Variants in ZNF804B observed in about 807,000 individuals in gnomAD.
ZNF804B encodes zinc finger 804B.
A neutral mutation model predicts 101.4 loss-of-function variants in ZNF804B; 80 were observed. That is an observed-to-expected ratio of 0.79 (90% CI 0.66 to 0.95). The LOEUF is 0.95. Among genes scored for constraint, ZNF804B ranks in the 40% least tolerant of loss-of-function variants. The probability of loss-of-function intolerance (pLI) is 0.00; values close to 1 mark genes in which losing one functional copy is unlikely to be tolerated. For synonymous variants in ZNF804B, 622 were observed against 558.8 expected (o/e 1.11, Z -1.59); for missense variants, 1,673 against 1,561.9 (o/e 1.07, Z -1.20).
intron 1 of ZNF804B, among the ~76,000 whole-genome samples, chr7:89,152,367 A>AAC (rs1237888526): frequency 6.6e-6 from 1 of 151,746 alleles, no homozygotes. Context: ...ATATTTTAGG[A>AAC]ACTAATAGGT....
intron 2 of ZNF804B, among the ~76,000 whole-genome samples, chr7:89,290,111 GC>G (rs750186352): frequency 2.8e-4 from 42 of 150,884 alleles, no homozygotes; most frequent in Non-Finnish European, 4.9e-4. Context: ...CATACCCTAG[GC>G]CAGAAGGAAA....
At chr7:88,945,224 A>G (rs997765990) in intron 1 of ZNF804B, among the ~76,000 whole-genome samples, 1 of 151,554 alleles carries the variant, frequency 6.6e-6, no homozygotes, top group African/African-American at 2.4e-5. Context: ...GGCTTTAGGT[A>G]TTACGTTTAA....
intron 1 of ZNF804B, among the ~76,000 whole-genome samples, chr7:88,997,762 A>G (rs939407912): frequency 6.6e-6 from 1 of 152,058 alleles, no homozygotes; most frequent in Non-Finnish European, 1.5e-5. Context: ...TTCATTTAGA[A>G]GTTTTCTCTG....
At chr7:88,953,075 T>C (rs1273580449) in intron 1 of ZNF804B, among the ~76,000 whole-genome samples, 1 of 151,850 alleles carries the variant, frequency 6.6e-6, no homozygotes, top group Admixed American at 6.6e-5. Flanking sequence ...GTTATTTGTC[T>C]GGTCCACTAG....
intron 1 of ZNF804B, among the ~76,000 whole-genome samples, chr7:89,022,757 G>A (rs1562862894): frequency 6.6e-6 from 1 of 152,192 alleles, no homozygotes; most frequent in African/African-American, 2.4e-5. Context: ...CGATGAAAGA[G>A]AACATGAGCT....
intron 1 of ZNF804B, among the ~76,000 whole-genome samples, chr7:88,978,053 G>C (rs1793641220): frequency 6.6e-6 from 1 of 151,632 alleles, no homozygotes; most frequent in Non-Finnish European, 1.5e-5. Context: ...AGTTTCTCTT[G>C]TCATTGATTT....
intron 1 of ZNF804B, among the ~76,000 whole-genome samples, chr7:89,166,165 T>G (rs1403655090): frequency 6.6e-6 from 1 of 152,148 alleles, no homozygotes; most frequent in Non-Finnish European, 1.5e-5. Context: ...TTATTGAATA[T>G]TCATTTTTAT....
At chr7:89,139,058 C>A (rs186110117) in intron 1 of ZNF804B, among the ~76,000 whole-genome samples, 1 of 151,940 alleles carries the variant, frequency 6.6e-6, no homozygotes, top group South Asian at 2.1e-4. Context: ...AGAGATATTG[C>A]AGGTTTTGCT....
At chr7:89,018,328 A>G (rs772345224) in intron 1 of ZNF804B, among the ~76,000 whole-genome samples, 8 of 152,034 alleles carry the variant, frequency 5.3e-5, no homozygotes, top group Non-Finnish European at 1.2e-4. Context: ...TGATTTGCAT[A>G]TCTTGTACCA....
At chr7:89,227,841 G>T (rs13244710) in intron 2 of ZNF804B, among the ~76,000 whole-genome samples, 18,621 of 152,178 alleles carry the variant, frequency 0.12, 1,225 homozygotes, top group Middle Eastern at 0.25. Flanking sequence ...CAGTTATTGT[G>T]CAGGGCATTC....
intron 2 of ZNF804B, among the ~76,000 whole-genome samples, chr7:89,255,612 TATC>T (rs1249103085): frequency 1.3e-5 from 2 of 152,154 alleles, no homozygotes; most frequent in African/African-American, 2.4e-5. Context: ...CACAAATAAA[TATC>T]ATGTAGATTA....
chr7:89,188,189 C>T (rs1425894209), intron 1 of ZNF804B, among the ~76,000 whole-genome samples: 1 of 152,112 alleles, frequency 6.6e-6, no homozygotes, highest in African/African-American at 2.4e-5. Context: ...TTCGGTAATT[C>T]TTACAATATT....
chr7:89,173,698 C>T (rs1791274001), intron 1 of ZNF804B, among the ~76,000 whole-genome samples: 1 of 151,966 alleles, frequency 6.6e-6, no homozygotes, highest in Non-Finnish European at 1.5e-5. Flanking sequence ...GATGAATCCA[C>T]CTGTTATCTG....
chr7:88,851,759 T>C (rs1333044821), intron 1 of ZNF804B, among the ~76,000 whole-genome samples: 1 of 152,254 alleles, frequency 6.6e-6, no homozygotes, highest in East Asian at 1.9e-4. Flanking sequence ...ATACCCTTTA[T>C]AGTCAACTGT....
chr7:89,258,342 T>G (rs894274404), intron 2 of ZNF804B, among the ~76,000 whole-genome samples: 1 of 152,066 alleles, frequency 6.6e-6, no homozygotes, highest in African/African-American at 2.4e-5. Context: ...TTCACCCCCT[T>G]AATTGCTCAG....
intron 1 of ZNF804B, among the ~76,000 whole-genome samples, chr7:88,882,587 G>T (rs1792059921): frequency 6.6e-6 from 1 of 152,136 alleles, no homozygotes; most frequent in African/African-American, 2.4e-5. Context: ...GTTGGTTGCA[G>T]TACTATTCAC....
intron 1 of ZNF804B, among the ~76,000 whole-genome samples, chr7:89,047,061 G>C (rs1055820210): frequency 6.6e-6 from 1 of 151,826 alleles, no homozygotes; most frequent in Non-Finnish European, 1.5e-5. Flanking sequence ...ATCCTTTGAG[G>C]GTTTTAAAAT....
At chr7:89,122,390 A>T (rs1562890150) in intron 1 of ZNF804B, among the ~76,000 whole-genome samples, 1 of 152,244 alleles carries the variant, frequency 6.6e-6, no homozygotes, top group Non-Finnish European at 1.5e-5. Context: ...TTTAGAATTT[A>T]TATCGTCCAA....
rs537926857 is a variant in ZNF804B, at chr7:88,862,564, G to A, written c.108+102480G>A. On this transcript the variant is annotated intron_variant, in intron 1 of 3. Coordinates refer to ENST00000333190, the MANE Select transcript of ZNF804B (RefSeq NM_181646.5). ...TGTTCTAGTTGAAAATTTATTCCACGGGTCCTAAAGTCACCCCTTTGTAGA... is the reference window on the plus strand; with the variant it reads ...TGTTCTAGTTGAAAATTTATTCCACAGGTCCTAAAGTCACCCCTTTGTAGA... Among the ~76,000 whole-genome samples, 24 of 152,162 alleles carry A rather than the reference G, an allele frequency of 1.6e-4. No individual in the cohort carries two copies. In the South Asian group the frequency reaches 3.9e-3, roughly 25 times the overall value.
Sources: gnomAD v4.1 joint callset for allele counts (sites outside exome capture counted in the v4.1 genomes callset) on GRCh38, gnomAD v4.1.1 for gene constraint, MANE v1.5 for transcripts, NCBI Gene and HGNC (gene_info 2026-07-23, HGNC 2026-07-21) for gene names.